SHANK2: variants seen among roughly 807,000 people sequenced by gnomAD.
SHANK2 encodes SH3 and multiple ankyrin repeat domains 2, also known as SH3 and multiple ankyrin repeat domains protein 2.
A neutral mutation model predicts 133.7 loss-of-function variants in SHANK2; 43 were observed. That is an observed-to-expected ratio of 0.32 (90% CI 0.25 to 0.41). The LOEUF (loss-of-function observed/expected upper bound fraction) is 0.41, where lower values mean the gene tolerates loss of function less well. Among genes scored for constraint, SHANK2 ranks in the 10% least tolerant of loss-of-function variants. SHANK2 has a pLI of 1.00. For missense variants in SHANK2, 1,994 were observed against 2,235.8 expected (o/e 0.89, Z 2.18); for synonymous variants, 1,017 against 952.8 (o/e 1.07, Z -1.24).
chr11:71,206,171 T>G (rs1555117956), intron 2 of SHANK2, among the ~76,000 whole-genome samples: 1 of 152,166 alleles, frequency 6.6e-6, no homozygotes, highest in Non-Finnish European at 1.5e-5. Flanking sequence ...AGGATGCTAG[T>G]GCAAAGTCTT....
At chr11:70,738,629 C>T (rs1162136489) in intron 14 of SHANK2, among the ~76,000 whole-genome samples, 1 of 152,226 alleles carries the variant, frequency 6.6e-6, no homozygotes, top group Non-Finnish European at 1.5e-5. Context: ...AATGGAAGCA[C>T]AGCCAGCCGC....
intron 3 of SHANK2, among the ~76,000 whole-genome samples, chr11:71,126,297 T>C (rs1351695429): frequency 6.7e-6 from 1 of 149,308 alleles, no homozygotes; most frequent in African/African-American, 2.5e-5. Flanking sequence ...AAAGCCTGGA[T>C]GACAGCACAT....
intron 8 of SHANK2, among the ~76,000 whole-genome samples, chr11:71,084,095 G>A (rs924116098): frequency 2.6e-5 from 4 of 151,620 alleles, no homozygotes; most frequent in Admixed American, 1.3e-4. Context: ...TCAGCCTCCC[G>A]AGTAGCTGGG....
At chr11:70,476,584 T>C (rs922485053) in intron 25 of SHANK2, among the ~76,000 whole-genome samples, 12 of 152,310 alleles carry the variant, frequency 7.9e-5, no homozygotes, top group African/African-American at 2.6e-4. Context: ...AATGGGTAAG[T>C]TGAAAGCCAC....
intron 17 of SHANK2, among the ~76,000 whole-genome samples, chr11:70,550,600 G>C (rs1436691375): frequency 2.6e-5 from 4 of 152,190 alleles, no homozygotes; most frequent in African/African-American, 9.7e-5. Context: ...CCAAGGGGTC[G>C]GCTCGCATTT....
At chr11:70,847,672 A>G (rs1421989486) in intron 11 of SHANK2, among the ~76,000 whole-genome samples, 1 of 152,104 alleles carries the variant, frequency 6.6e-6, no homozygotes, top group Admixed American at 6.5e-5. Flanking sequence ...CTCCCTCTCA[A>G]TTCACTCCAC....
At chr11:71,066,648 T>C (rs1463880085) in intron 9 of SHANK2, among the ~76,000 whole-genome samples, 2 of 152,210 alleles carry the variant, frequency 1.3e-5, no homozygotes, top group African/African-American at 4.8e-5. Flanking sequence ...TACAAATTAC[T>C]GCACACTCCA....
chr11:70,922,325 A>AAAG (rs1565407403), intron 10 of SHANK2, among the ~76,000 whole-genome samples: 1 of 152,122 alleles, frequency 6.6e-6, no homozygotes, highest in African/African-American at 2.4e-5. Flanking sequence ...CTAGAAGGAG[A>AAAG]GATGAAAAAT....
At chr11:70,571,620 G>A (rs561115005) in intron 17 of SHANK2, among the ~76,000 whole-genome samples, 2 of 152,318 alleles carry the variant, frequency 1.3e-5, no homozygotes, top group South Asian at 4.1e-4. Context: ...GAGGTGAGCT[G>A]AGCCTAGCAA....
intron 6 of SHANK2, among the ~76,000 whole-genome samples, chr11:71,096,965 T>A (rs150332590): frequency 1.3e-4 from 20 of 152,292 alleles, no homozygotes; most frequent in African/African-American, 4.6e-4. Context: ...CACATCCTGT[T>A]GGTCAGTGCC....
chr11:71,095,912 C>T (rs1951602523), intron 6 of SHANK2, among the ~76,000 whole-genome samples: 1 of 149,984 alleles, frequency 6.7e-6, no homozygotes, highest in African/African-American at 2.4e-5. Flanking sequence ...CCTGTCTTCC[C>T]CAACTAGGAT....
chr11:70,592,167 G>A (rs1554988194), intron 17 of SHANK2, among the ~76,000 whole-genome samples: 1 of 152,226 alleles, frequency 6.6e-6, no homozygotes, highest in East Asian at 1.9e-4. Context: ...CTCAGGCTGT[G>A]AATTGATGTG....
chr11:71,243,568 G>A (rs756563284), intron 1 of SHANK2, among the ~76,000 whole-genome samples: 10 of 152,112 alleles, frequency 6.6e-5, no homozygotes, highest in Non-Finnish European at 1.5e-4. Flanking sequence ...GGTGGTGGGC[G>A]CCTGTAGTGC....
At chr11:70,685,544 C>T (rs1186209385) in intron 15 of SHANK2, among the ~76,000 whole-genome samples, 5 of 152,194 alleles carry the variant, frequency 3.3e-5, no homozygotes, top group African/African-American at 9.6e-5. Flanking sequence ...ACCCATCTGA[C>T]CAAGCTCCCT....
intron 8 of SHANK2, among the ~76,000 whole-genome samples, chr11:71,078,683 T>C (rs966193363): frequency 9.2e-5 from 14 of 152,350 alleles, no homozygotes; most frequent in Non-Finnish European, 1.0e-4. Context: ...ATCAGTTTAC[T>C]GTTGCCATGG....
intron 10 of SHANK2, among the ~76,000 whole-genome samples, chr11:70,926,440 A>G: frequency 6.6e-6 from 1 of 152,132 alleles, no homozygotes; most frequent in East Asian, 1.9e-4. Context: ...AAACAAAACA[A>G]CCAAAACAAA....
At chr11:71,147,017 A>G in intron 3 of SHANK2, 103 bp downstream of exon 3, 2 of 954,350 alleles carry the variant, frequency 2.1e-6, no homozygotes, top group Non-Finnish European at 3.1e-6. Flanking sequence ...TGCCCAGAGC[A>G]GTCAGGACCG....
At chr11:70,669,947 T>C (rs1434499648) in intron 15 of SHANK2, among the ~76,000 whole-genome samples, 5 of 152,232 alleles carry the variant, frequency 3.3e-5, no homozygotes, top group African/African-American at 1.2e-4. Flanking sequence ...CACTTCTGAA[T>C]GTTTTTCATG....
chr11:70,916,183 A>G (rs1555079844), intron 10 of SHANK2, among the ~76,000 whole-genome samples: 1 of 152,218 alleles, frequency 6.6e-6, no homozygotes, highest in African/African-American at 2.4e-5. Flanking sequence ...TGAGGGATAA[A>G]GGACATTCTT....
Sources: gnomAD v4.1 joint callset for allele counts (sites outside exome capture counted in the v4.1 genomes callset) on GRCh38, gnomAD v4.1.1 for gene constraint, MANE v1.5 for transcripts, NCBI Gene and HGNC (gene_info 2026-07-23, HGNC 2026-07-21) for gene names.